Variants in APBA2 observed in about 807,000 individuals in gnomAD.
APBA2 encodes amyloid-beta A4 precursor protein-binding family A member 2.
In APBA2, 30 loss-of-function variants were observed where a neutral mutation model predicts 75.0. That is an observed-to-expected ratio of 0.40 (90% CI 0.30 to 0.54). The LOEUF (loss-of-function observed/expected upper bound fraction) is 0.54. APBA2 is among the 20% of genes least tolerant of loss of function. The pLI is 0.49. For missense variants in APBA2, 801 were observed against 1,016.1 expected, an observed-to-expected ratio of 0.79 and a Z score of 2.88; for synonymous variants, 444 against 409.6, an observed-to-expected ratio of 1.08 and a Z score of -1.01.
chr15:29,066,846 G>A (rs530065524), intron 4 of APBA2, among the ~76,000 whole-genome samples: 1 of 152,320 alleles, frequency 6.6e-6, no homozygotes, highest in East Asian at 1.9e-4. Flanking sequence ...ATCACACCGT[G>A]TTAGGCTATT....
intron 2 of APBA2, among the ~76,000 whole-genome samples, chr15:28,942,500 T>A (rs7161763): frequency 0.16 from 25,096 of 152,190 alleles, 2,813 homozygotes; most frequent in African/African-American, 0.32. Context: ...GGGGAGCACA[T>A]GGAACTTATT....
chr15:28,893,186 T>C (rs374329132), intron 1 of APBA2, among the ~76,000 whole-genome samples: 66,824 of 152,028 alleles, frequency 0.44, 15,051 homozygotes, highest in East Asian at 0.51. Flanking sequence ...TGACTCATCC[T>C]GAGAAGGGCA....
Position 28,967,684 on chromosome 15 carries a change from C to T in APBA2, c.-94-28069C>T, listed in dbSNP as rs142226783. Among the ~76,000 whole-genome samples the T allele has an allele frequency of 4.7e-4, 71 of 152,260 alleles. 1 individual carries two copies. In the East Asian group the frequency reaches 0.014, roughly 29 times the overall value. On this transcript the variant is annotated intron_variant, in intron 2 of 14. Coordinates refer to ENST00000683413, the MANE Select transcript of APBA2 (RefSeq NM_001353788.2). ...CGATCTCCTAACCTCATGATCCACC[C>T]GCCTCGGCCTCCCAAAGTGCTAGGA...
intron 3 of APBA2, among the ~76,000 whole-genome samples, chr15:29,002,878 G>A (rs988213852): frequency 1.3e-5 from 2 of 152,150 alleles, no homozygotes; most frequent in African/African-American, 4.8e-5. Flanking sequence ...CCAGTGGGTT[G>A]TCCAGGAGGG....
chr15:29,010,973 G>A (rs544011211), intron 3 of APBA2, among the ~76,000 whole-genome samples: 207 of 152,188 alleles, frequency 1.4e-3, no homozygotes, highest in African/African-American at 4.9e-3. Flanking sequence ...TTCATCTTGC[G>A]AATCTGAACA....
At chr15:28,995,957 T>G (rs947964076) in intron 3 of APBA2, among the ~76,000 whole-genome samples, 151 bp downstream of exon 3, 2 of 152,136 alleles carry the variant, frequency 1.3e-5, no homozygotes, top group African/African-American at 4.8e-5. Context: ...GTGTGTGAGC[T>G]TGGGGAGTTT....
intron 2 of APBA2, among the ~76,000 whole-genome samples, chr15:28,923,057 T>C (rs10163056): frequency 0.35 from 52,827 of 152,182 alleles, 15,909 homozygotes; most frequent in African/African-American, 0.8. Context: ...GAATGCTTAC[T>C]CAGACCACCC....
chr15:28,954,913 G>T (rs1392998253), intron 2 of APBA2, among the ~76,000 whole-genome samples: 1 of 152,074 alleles, frequency 6.6e-6, no homozygotes, highest in Admixed American at 6.5e-5. Context: ...GTCCAGGAGG[G>T]TCCCTCACTC....
chr15:29,101,079 GCTA>G (rs1384328778), intron 9 of APBA2, among the ~76,000 whole-genome samples: 1 of 152,114 alleles, frequency 6.6e-6, no homozygotes, highest in African/African-American at 2.4e-5. Context: ...AGAGGGAGGT[GCTA>G]CTGGCATCTC....
chr15:29,029,015 G>A (rs982547873), intron 3 of APBA2, among the ~76,000 whole-genome samples: 1 of 152,096 alleles, frequency 6.6e-6, no homozygotes, highest in East Asian at 1.9e-4. Flanking sequence ...AGTTTAATTA[G>A]TTCCCATTTG....
At position 28,885,993 on chromosome 15, in the gene APBA2, A is replaced by AGGCGGAAGCGGCCGGGGCGGGGGCGC. The variant is rs1293288778; in HGVS notation, c.-489_-464dup. 1.3e-5 allele frequency: 2 copies of AGGCGGAAGCGGCCGGGGCGGGGGCGC among 150,226 alleles called. No individual in the cohort carries two copies. The highest frequency in any genetic ancestry group is 1.5e-5 in the Non-Finnish European group (1 of 67,480). The allele number at this position is 150,226 out of a possible 1,614,324, so 9.3% of individuals were successfully genotyped here. On this transcript the variant is annotated 5_prime_UTR_variant, in exon 1 of 15. Coordinates refer to ENST00000683413, the MANE Select transcript of APBA2 (RefSeq NM_001353788.2). ...GGCCCCAGTGTGCCCGGCGCGGGTG[A>AGGCGGAAGCGGCCGGGGCGGGGGCGC]GGCGGAAGCGGCCGGGGCGGGGGCG...
At chr15:28,949,291 G>A (rs564108604) in intron 2 of APBA2, among the ~76,000 whole-genome samples, 4 of 152,286 alleles carry the variant, frequency 2.6e-5, no homozygotes, top group African/African-American at 9.6e-5. Flanking sequence ...CTTGCAAGGA[G>A]CAGAGCTTCC....
chr15:29,003,915 A>G (rs1268627494), intron 3 of APBA2, among the ~76,000 whole-genome samples: 1 of 152,224 alleles, frequency 6.6e-6, no homozygotes, highest in Non-Finnish European at 1.5e-5. Flanking sequence ...GAAGACTTTC[A>G]CAGCAACGTC....
intron 2 of APBA2, among the ~76,000 whole-genome samples, chr15:28,966,067 C>T (rs1390612015): frequency 1.3e-5 from 2 of 151,526 alleles, no homozygotes; most frequent in African/African-American, 4.9e-5. Flanking sequence ...ACATATTCTG[C>T]ATGATTTTAA....
At position 29,093,174 on chromosome 15, in the gene APBA2, A is replaced by G. The variant is rs906706011; in HGVS notation, c.1169A>G (p.Lys390Arg). Residue 390 changes from lysine (K) to arginine (R), a missense_variant, in exon 7 of 15, where the codon AAA becomes AGA. Physicochemically the swap from Lys to Arg is conservative, Grantham distance 26. Transcript: ENST00000683413. Reference protein sequence around the residue: ...TQLLSERNPSKNIRMMQAQEA... With the variant: ...TQLLSERNPSRNIRMMQAQEA... The stretch of plus-strand genomic sequence containing the variant: ...CTGCTATCAGAACGGAACCCTTCCA[A>G]AAACATCAGAATGATGCAAGCGCAG... The G allele has an allele frequency of 2.5e-6, 4 of 1,614,170 alleles. No individual in the cohort carries two copies. In the African/African-American group the frequency reaches 4.0e-5, roughly 16 times the overall value.
intron 2 of APBA2, among the ~76,000 whole-genome samples, chr15:28,963,618 G>C (rs939492159): frequency 6.6e-6 from 1 of 152,212 alleles, no homozygotes; most frequent in East Asian, 1.9e-4. Flanking sequence ...AGGTCTCTTT[G>C]ACAACATAAT....
intron 4 of APBA2, among the ~76,000 whole-genome samples, chr15:29,055,521 A>G (rs560425503): frequency 1.3e-5 from 2 of 152,238 alleles, no homozygotes; most frequent in Non-Finnish European, 2.9e-5. Context: ...CCTTCCAAAA[A>G]AAGCCTCACT....
chr15:28,919,062 A>C (rs1449597227), intron 1 of APBA2, among the ~76,000 whole-genome samples: 1 of 152,060 alleles, frequency 6.6e-6, no homozygotes, highest in Non-Finnish European at 1.5e-5. Flanking sequence ...AGGTTTCACC[A>C]TGTTAGCAAA....
At chr15:28,993,630 G>A (rs2152788275) in intron 2 of APBA2, among the ~76,000 whole-genome samples, 1 of 152,308 alleles carries the variant, frequency 6.6e-6, no homozygotes, top group Non-Finnish European at 1.5e-5. Context: ...TACATAAGGT[G>A]CAGTGCTGCT....
Sources: allele counts gnomAD v4.1 joint callset (sites outside exome capture counted in the v4.1 genomes callset), GRCh38; gene constraint gnomAD v4.1.1; transcripts MANE v1.5; gene names NCBI Gene and HGNC (gene_info 2026-07-23, HGNC 2026-07-21).